SKAP2: variants seen among roughly 807,000 people sequenced by gnomAD.
The protein encoded by SKAP2 is src kinase-associated phosphoprotein 2.
In SKAP2, 28 loss-of-function variants were observed where a neutral mutation model predicts 54.9. That is an observed-to-expected ratio of 0.51 (90% CI 0.38 to 0.70). The LOEUF (loss-of-function observed/expected upper bound fraction) is 0.70, where lower values mean the gene tolerates loss of function less well. Among genes scored for constraint, SKAP2 ranks in the 30% least tolerant of loss-of-function variants. The pLI is 0.00. For missense variants in SKAP2, 356 were observed against 424.1 expected (o/e 0.84, Z 1.41); for synonymous variants, 137 against 134.3 (o/e 1.02, Z -0.14).
chr7:26,791,714 CA>C (rs1783676728), intron 4 of SKAP2, among the ~76,000 whole-genome samples: 1 of 152,074 alleles, frequency 6.6e-6, no homozygotes, highest in African/African-American at 2.4e-5. Flanking sequence ...AGGGACAATA[CA>C]AATGAAGAAA....
chr7:26,803,876 C>A (rs543438759), intron 4 of SKAP2, among the ~76,000 whole-genome samples: 51 of 152,262 alleles, frequency 3.3e-4, no homozygotes, highest in African/African-American at 1.2e-3. Flanking sequence ...CACTGAAAGA[C>A]AAACACTGCA....
chr7:26,850,916 TA>T (rs1562635597), intron 3 of SKAP2, among the ~76,000 whole-genome samples: 2 of 152,196 alleles, frequency 1.3e-5, no homozygotes, highest in Non-Finnish European at 2.9e-5. Context: ...AAGAAAGTTT[TA>T]AAACAATAGC....
At chr7:26,837,653 A>G (rs1172443383) in intron 4 of SKAP2, among the ~76,000 whole-genome samples, 1 of 152,236 alleles carries the variant, frequency 6.6e-6, no homozygotes, top group Non-Finnish European at 1.5e-5. Flanking sequence ...TTACAATTCA[A>G]CATGTGATTT....
In SKAP2 at chr7:26,715,118, A is replaced by G. The variant is rs531212925; in HGVS notation, c.796+10310T>C. On this transcript the variant is annotated intron_variant, in intron 9 of 12. Coordinates refer to ENST00000345317, the MANE Select transcript of SKAP2 (RefSeq NM_003930.5). ...AGAAAAAACATAAAAGCCTAGCCCC[A>G]TTAACATAATTTTTCTTTTTTCTTT... 3.9e-5 allele frequency among the ~76,000 whole-genome samples: 6 copies of G among 152,340 alleles called. No homozygotes were observed. In the East Asian group the frequency reaches 1.2e-3, roughly 29 times the overall value.
intron 4 of SKAP2, among the ~76,000 whole-genome samples, chr7:26,819,760 G>A (rs866707930): frequency 5.3e-5 from 8 of 152,090 alleles, no homozygotes; most frequent in Non-Finnish European, 5.9e-5. Context: ...TTTTTAAGGT[G>A]TGATAAGAGT....
chr7:26,845,728 T>C (rs1784907264), intron 3 of SKAP2, among the ~76,000 whole-genome samples: 1 of 152,116 alleles, frequency 6.6e-6, no homozygotes, highest in Non-Finnish European at 1.5e-5. Context: ...GGCCAGGAAT[T>C]AGACACCAGG....
chr7:26,770,992 A>G (rs559251344), intron 4 of SKAP2, among the ~76,000 whole-genome samples: 4 of 152,334 alleles, frequency 2.6e-5, no homozygotes, highest in African/African-American at 9.6e-5. Context: ...AACTGTTTAG[A>G]TAAGTCTTAC....
At chr7:26,664,728 G>GAAAAAAAAAAAAAAAAAAAAAAAA (rs372243207), downstream of SKAP2, among the ~76,000 whole-genome samples, 1 of 111,082 alleles carries the variant, frequency 9.0e-6, no homozygotes, top group Non-Finnish European at 1.9e-5. Flanking sequence ...AAACTGAAAA[G>GAAAAAAAAAAAAAAAAAAAAAAAA]AAAAAAAAAA....
intron 9 of SKAP2, among the ~76,000 whole-genome samples, chr7:26,697,881 T>C (rs924760225): frequency 1.3e-5 from 2 of 152,214 alleles, no homozygotes; most frequent in Non-Finnish European, 2.9e-5. Context: ...ATTGTCCCCA[T>C]ACATTTCTTA....
At chr7:26,797,940 G>GA (rs1348996767) in intron 4 of SKAP2, among the ~76,000 whole-genome samples, 1 of 151,486 alleles carries the variant, frequency 6.6e-6, no homozygotes, top group Non-Finnish European at 1.5e-5. Context: ...TTTAACAGCA[G>GA]AATTGATCAA....
intron 4 of SKAP2, among the ~76,000 whole-genome samples, chr7:26,779,794 A>T (rs1229804247): frequency 1.3e-5 from 2 of 152,056 alleles, no homozygotes; most frequent in Non-Finnish European, 2.9e-5. Flanking sequence ...GTCTGCTTTT[A>T]AAAAACAAGT....
intron 11 of SKAP2, among the ~76,000 whole-genome samples, chr7:26,672,969 T>C (rs1786274741): frequency 6.6e-6 from 1 of 151,990 alleles, no homozygotes. Context: ...CCCAAACAAA[T>C]GTGATTATGA....
chr7:26,783,798 G>T lies in SKAP2; in HGVS notation c.308-43834C>A, dbSNP rs573656638. Among the ~76,000 whole-genome samples the T allele has an allele frequency of 2.0e-4, 30 of 152,154 alleles. No individual in the cohort carries two copies. In the Middle Eastern group the frequency reaches 0.01, roughly 52 times the overall value. On this transcript the variant is annotated intron_variant, in intron 4 of 12. Coordinates refer to ENST00000345317, the MANE Select transcript of SKAP2 (RefSeq NM_003930.5). ...CACACTCTGGGGCCTGTTGTGAGGT[G>T]GGGGGAGCGGGGAGGGATAGCTTTA... is the stretch of plus-strand genomic sequence containing the variant.
At chr7:26,655,300 C>CT in the SKAP2 span, among the ~76,000 whole-genome samples, 1 of 152,206 alleles carries the variant, frequency 6.6e-6, no homozygotes, top group Non-Finnish European at 1.5e-5. Context: ...TCCAAGTCCT[C>CT]TTAAGCGGAG....
chr7:26,854,098 G>A, intron 3 of SKAP2, 39 bp downstream of exon 3: 2 of 1,465,806 alleles, frequency 1.4e-6, no homozygotes, highest in Non-Finnish European at 1.9e-6. Context: ...TTTCCACAGA[G>A]GAAAAAAATT....
intron 4 of SKAP2, among the ~76,000 whole-genome samples, chr7:26,743,816 T>C (rs948563622): frequency 6.6e-6 from 1 of 152,140 alleles, no homozygotes; most frequent in African/African-American, 2.4e-5. Context: ...AAGGTCACAA[T>C]GAATTCAAAT....
intron 4 of SKAP2, among the ~76,000 whole-genome samples, chr7:26,812,843 GA>G (rs3842175): frequency 0.22 from 32,004 of 145,678 alleles, 3,457 homozygotes; most frequent in Non-Finnish European, 0.24. Context: ...TTTTAAAAAA[GA>G]AAAAAAAAAG....
chr7:26,735,925 C>T (rs1244847973), intron 6 of SKAP2, among the ~76,000 whole-genome samples: 4 of 151,890 alleles, frequency 2.6e-5, no homozygotes, highest in East Asian at 1.9e-4. Context: ...CGAATGAAAC[C>T]GCCAATAGAA....
chr7:26,858,801 C>T (rs1562638711), intron 1 of SKAP2, among the ~76,000 whole-genome samples: 1 of 152,202 alleles, frequency 6.6e-6, no homozygotes, highest in Non-Finnish European at 1.5e-5. Flanking sequence ...TAAAGTAACT[C>T]TCAGCTTCTG....
Sources: gnomAD v4.1 joint callset for allele counts (sites outside exome capture counted in the v4.1 genomes callset) on GRCh38, gnomAD v4.1.1 for gene constraint, MANE v1.5 for transcripts, NCBI Gene and HGNC (gene_info 2026-07-23, HGNC 2026-07-21) for gene names.